Variants in NGF observed in about 807,000 individuals in gnomAD.
NGF encodes beta-nerve growth factor.
A neutral mutation model predicts 12.8 loss-of-function variants in NGF; 4 were observed. That is an observed-to-expected ratio of 0.31 (90% CI 0.15 to 0.72). The LOEUF (loss-of-function observed/expected upper bound fraction) is 0.72. NGF is among the 30% of genes least tolerant of loss of function. The pLI, the probability that NGF is intolerant of heterozygous loss-of-function variation, is 0.69. For missense variants in NGF, 283 were observed against 330.8 expected (o/e 0.86, Z 1.12); for synonymous variants, 140 against 130.0 (o/e 1.08, Z -0.52).
rs11466110 is a variant in NGF, at chr1:115,286,582, C to T, written c.214G>A (p.Val72Met). 2,016 of 1,614,204 alleles carry T rather than the reference C, an allele frequency of 1.2e-3. 20 individuals are homozygous for T. The African/African-American group carries it at 0.023, about 18-fold the overall frequency. The change falls in exon 3 of 3, where the codon GTG (valine) becomes ATG (methionine). Residue 72 changes from valine to methionine, a missense_variant. Physicochemically the swap from Val to Met is conservative, Grantham distance 21. Around this residue, in one of 2 missense-constraint regions of NGF, gnomAD observed 151 missense variants for 141.6 expected, o/e 1.07. Coordinates refer to ENST00000369512, the MANE Select transcript of NGF (RefSeq NM_002506.3). ...RVAGQTRNIT[V>M]DPRLFKKRRL... Reference sequence around the variant, plus strand: ...CGCTTTTTAAACAGCCTGGGGTCCACAGTAATGTTGCGGGTCTGCCCCGCC... The same window carrying T: ...CGCTTTTTAAACAGCCTGGGGTCCATAGTAATGTTGCGGGTCTGCCCCGCC...
At chr1:115,288,759 G>A (rs1253042748) in intron 2 of NGF, among the ~76,000 whole-genome samples, 1 of 152,170 alleles carries the variant, frequency 6.6e-6, no homozygotes, top group African/African-American at 2.4e-5. Flanking sequence ...TGCCGTGTCT[G>A]GCATGTAGTA....
chr1:115,312,330 T>C (rs1458854403), intron 1 of NGF, among the ~76,000 whole-genome samples: 1 of 152,180 alleles, frequency 6.6e-6, no homozygotes, highest in Non-Finnish European at 1.5e-5. Flanking sequence ...AATCAGTCAA[T>C]CAACCAGTAT....
intron 1 of NGF, among the ~76,000 whole-genome samples, chr1:115,322,088 G>A (rs1381186116): frequency 6.6e-6 from 1 of 152,154 alleles, no homozygotes. Context: ...TAAAGTTTTG[G>A]TACCTTTGAT....
chr1:115,334,367 G>A (rs1035259539), intron 1 of NGF, among the ~76,000 whole-genome samples: 3 of 152,156 alleles, frequency 2.0e-5, no homozygotes, highest in African/African-American at 7.2e-5. Context: ...GTCTGCCTGT[G>A]TTTTTAATAA....
chr1:115,316,130 G>A (rs923496444), intron 1 of NGF, among the ~76,000 whole-genome samples: 6 of 152,180 alleles, frequency 3.9e-5, no homozygotes, highest in African/African-American at 1.4e-4. Flanking sequence ...GTGAAAAGAG[G>A]AGCAGTCAGG....
intron 1 of NGF, among the ~76,000 whole-genome samples, chr1:115,329,717 G>GTATTT (rs1212503763): frequency 1.4e-5 from 2 of 141,846 alleles, no homozygotes; most frequent in African/African-American, 5.2e-5. Flanking sequence ...TTCACAACCT[G>GTATTT]TATTTTGTTT....
chr1:115,320,713 C>T (rs1654601093), intron 1 of NGF, among the ~76,000 whole-genome samples: 1 of 152,222 alleles, frequency 6.6e-6, no homozygotes, highest in Non-Finnish European at 1.5e-5. Context: ...TCCCAGGTAA[C>T]TGAAACTTTG....
At chr1:115,329,014 A>G (rs12026714) in intron 1 of NGF, among the ~76,000 whole-genome samples, 13,455 of 152,134 alleles carry the variant, frequency 0.088, 754 homozygotes, top group East Asian at 0.25. Flanking sequence ...GATGAGGTTG[A>G]GTAGTTACAA....
At chr1:115,315,787 CGCTGAGGTTCATTACGT>C (rs1464079461) in intron 1 of NGF, among the ~76,000 whole-genome samples, 1 of 152,102 alleles carries the variant, frequency 6.6e-6, no homozygotes, top group Non-Finnish European at 1.5e-5. Context: ...AGAACGAGCT[CGCTGAGGTTCATTACGT>C]GATTCGACTT....
chr1:115,296,624 A>G (rs1394202674), intron 1 of NGF, among the ~76,000 whole-genome samples: 2 of 152,114 alleles, frequency 1.3e-5, no homozygotes, highest in Admixed American at 1.3e-4. Context: ...TCTGATTGCT[A>G]TATTTGAAAC....
At chr1:115,333,827 TTCTC>T (rs749315925) in intron 1 of NGF, among the ~76,000 whole-genome samples, 8 of 151,186 alleles carry the variant, frequency 5.3e-5, no homozygotes, top group Middle Eastern at 3.2e-3. Flanking sequence ...TCTTTCTCTC[TTCTC>T]TCTCTCTTTC....
intron 2 of NGF, among the ~76,000 whole-genome samples, chr1:115,291,506 C>T (rs966673861): frequency 2.0e-5 from 3 of 152,238 alleles, no homozygotes; most frequent in East Asian, 1.9e-4. Flanking sequence ...CTCACATGAA[C>T]GAACATGTTC....
At chr1:115,290,377 T>C (rs1653651138) in intron 2 of NGF, among the ~76,000 whole-genome samples, 1 of 143,706 alleles carries the variant, frequency 7.0e-6, no homozygotes, top group South Asian at 2.2e-4. Context: ...ACAAACTACC[T>C]TCTCTCATCT....
chr1:115,326,299 G>C (rs1654775737), intron 1 of NGF, among the ~76,000 whole-genome samples: 1 of 152,130 alleles, frequency 6.6e-6, no homozygotes, highest in African/African-American at 2.4e-5. Flanking sequence ...TAGTTGGGGA[G>C]CTCCTCAGGC....
intron 1 of NGF, among the ~76,000 whole-genome samples, chr1:115,325,068 A>G (rs1395732477): frequency 6.6e-6 from 1 of 152,164 alleles, no homozygotes; most frequent in Non-Finnish European, 1.5e-5. Context: ...TGGGGGTAGG[A>G]TAGATATTTA....
intron 2 of NGF, among the ~76,000 whole-genome samples, chr1:115,291,363 G>A (rs781331553): frequency 6.6e-6 from 1 of 152,146 alleles, no homozygotes; most frequent in Non-Finnish European, 1.5e-5. Flanking sequence ...AACCAGGGGA[G>A]AAGTTTTATT....
At chr1:115,291,272 G>T (rs1372465402) in intron 2 of NGF, among the ~76,000 whole-genome samples, 2 of 152,146 alleles carry the variant, frequency 1.3e-5, no homozygotes, top group African/African-American at 2.4e-5. Flanking sequence ...GTAGATAAAA[G>T]AAAAATTGAG....
intron 1 of NGF, among the ~76,000 whole-genome samples, chr1:115,321,214 AG>A (rs1293287756): frequency 2.0e-5 from 3 of 152,144 alleles, no homozygotes; most frequent in Non-Finnish European, 4.4e-5. Flanking sequence ...CCCCGTCAGG[AG>A]GGAGAGAACT....
intron 1 of NGF, among the ~76,000 whole-genome samples, chr1:115,312,569 A>G (rs1334161363): frequency 1.3e-5 from 2 of 152,212 alleles, no homozygotes; most frequent in African/African-American, 4.8e-5. Flanking sequence ...GCTGATATTT[A>G]TGTACATTTT....
Sources: allele counts gnomAD v4.1 joint callset (sites outside exome capture counted in the v4.1 genomes callset), GRCh38; gene constraint gnomAD v4.1.1; regional missense constraint gnomAD v4.1.1; transcripts MANE v1.5; gene names NCBI Gene and HGNC (gene_info 2026-07-23, HGNC 2026-07-21).